Variants in AKAP12 observed in about 807,000 individuals in gnomAD.
AKAP12 encodes the protein A-kinase anchor protein 12.
A neutral mutation model predicts 79.9 loss-of-function variants in AKAP12; 32 were observed. The observed-to-expected ratio is 0.40, with a 90% CI of 0.30 to 0.54. The LOEUF is 0.54. Ranked by LOEUF, AKAP12 falls within the 20% of genes least tolerant of loss-of-function variation. The pLI is 0.48. For synonymous variants in AKAP12, 808 were observed against 857.0 expected (o/e 0.94, Z 1.00); for missense variants, 2,074 against 2,177.0 (o/e 0.95, Z 0.94).
At position 151,348,847 on chromosome 6, in the gene AKAP12, A is replaced by G. The variant is rs2114822300; in HGVS notation, c.456A>G (p.Ser152=). ...AAATAATCGAACAGATTCCTTCTTC[A>G]GAAAGCAATTTAGAAGAGCTAACAC... The part of the protein sequence containing the change: ...TPEIIEQIPS[S]ESNLEELTQP... The change falls in exon 4 of 5, where the codon TCA becomes TCG. Residue 152 remains serine (S), a synonymous_variant. Transcript: ENST00000402676. 1 of 1,614,212 alleles carries G rather than the reference A, an allele frequency of 6.2e-7. No individual in the cohort carries two copies. The highest frequency in any genetic ancestry group is 8.5e-7 in the Non-Finnish European group (1 of 1,180,042).
intron 2 of AKAP12, among the ~76,000 whole-genome samples, chr6:151,295,565 G>A (rs1264700986): frequency 1.3e-5 from 2 of 152,132 alleles, no homozygotes; most frequent in African/African-American, 4.8e-5. Context: ...TAAATAGCAA[G>A]CACTGCCATT....
chr6:151,340,027 A>G (rs1777909220), intron 3 of AKAP12, among the ~76,000 whole-genome samples: 1 of 151,928 alleles, frequency 6.6e-6, no homozygotes, highest in Non-Finnish European at 1.5e-5. Context: ...CCCGGGTTCA[A>G]GCAATTCTCT....
At chr6:151,293,732 A>G (rs1562724817) in intron 2 of AKAP12, among the ~76,000 whole-genome samples, 1 of 152,284 alleles carries the variant, frequency 6.6e-6, no homozygotes, top group Admixed American at 6.5e-5. Context: ...TTAAGGAGAG[A>G]GTAAGTAACA....
intron 3 of AKAP12, among the ~76,000 whole-genome samples, chr6:151,338,908 T>C (rs1777880760): frequency 6.6e-6 from 1 of 152,220 alleles, no homozygotes; most frequent in African/African-American, 2.4e-5. Context: ...CTTTCAACAA[T>C]AAGCATGTAA....
chr6:151,312,287 A>G lies in AKAP12; in HGVS notation c.319+6384A>G, dbSNP rs538590277. On this transcript the variant is annotated intron_variant, in intron 3 of 4. Coordinates refer to ENST00000402676, the MANE Select transcript of AKAP12 (RefSeq NM_005100.4). ...GGAGTTCGAGACCAATCTGGGAAGC[A>G]TAGTGAGACCCTTGTCTCTACGAAC... 7.3e-5 allele frequency among the ~76,000 whole-genome samples: 11 copies of G among 150,886 alleles called. No homozygotes were observed. In the South Asian group the frequency reaches 1.7e-3, roughly 23 times the overall value.
intron 3 of AKAP12, among the ~76,000 whole-genome samples, chr6:151,320,229 C>A (rs908073861): frequency 6.6e-6 from 1 of 151,988 alleles, no homozygotes; most frequent in African/African-American, 2.4e-5. Flanking sequence ...GGTCCCGCCT[C>A]CAGACTGCCC....
chr6:151,306,893 T>G (rs2114758112), intron 3 of AKAP12, among the ~76,000 whole-genome samples: 1 of 152,308 alleles, frequency 6.6e-6, no homozygotes, highest in Non-Finnish European at 1.5e-5. Context: ...ACCCAAATGA[T>G]TGGAATGGAC....
chr6:151,301,836 A>G (rs1216541781), intron 2 of AKAP12, among the ~76,000 whole-genome samples: 1 of 152,134 alleles, frequency 6.6e-6, no homozygotes, highest in Non-Finnish European at 1.5e-5. Flanking sequence ...TTAATAATGT[A>G]TCTACGGCCT....
At chr6:151,324,815 CTT>C (rs1777483294) in intron 3 of AKAP12, 1 of 985,276 alleles carries the variant, frequency 1.0e-6, no homozygotes, top group Non-Finnish European at 1.2e-6. Context: ...TCACTCGTGT[CTT>C]TACAAAGAAC....
chr6:151,250,211 TA>T (rs1247839358), intron 2 of AKAP12, among the ~76,000 whole-genome samples: 1 of 151,794 alleles, frequency 6.6e-6, no homozygotes, highest in African/African-American at 2.4e-5. Flanking sequence ...AAAAAATAAA[TA>T]AATAGGCTGG....
At position 151,350,887 on chromosome 6, in the gene AKAP12, G is replaced by C; in HGVS notation, c.2496G>C (p.Gly832=). ...AACAAGCCCCTGTTGAAGACGCAGG[G>C]CCAACAGGGGCCAACGAAGATGACT... ...KQEQAPVEDA[G]PTGANEDDSD... is the part of the protein sequence containing the mutation. Residue 832 remains glycine (G), a synonymous_variant, in exon 4 of 5, where the codon GGG becomes GGC. Coordinates refer to ENST00000402676, the MANE Select transcript of AKAP12 (RefSeq NM_005100.4). The surrounding 1 kb of genome is among the most constrained non-coding windows in gnomAD (Gnocchi z 4.8). 2 of 1,614,076 alleles carry C rather than the reference G, an allele frequency of 1.2e-6. No homozygotes were observed. The highest frequency in any genetic ancestry group is 8.5e-7 in the Non-Finnish European group (1 of 1,180,020).
intron 3 of AKAP12, chr6:151,325,029 C>T (rs1215238747): frequency 2.0e-6 from 2 of 985,326 alleles, no homozygotes; most frequent in Admixed American, 1.2e-4. Context: ...ATGCTCAAGT[C>T]TGCTTTTGAA....
chr6:151,322,581 T>C (rs1777423164), intron 3 of AKAP12, among the ~76,000 whole-genome samples: 2 of 152,216 alleles, frequency 1.3e-5, no homozygotes, highest in African/African-American at 4.8e-5. Context: ...TGCTCGTCTG[T>C]CCCTATGGAC....
chr6:151,330,062 C>T (rs1000395887), intron 3 of AKAP12, among the ~76,000 whole-genome samples: 5 of 152,174 alleles, frequency 3.3e-5, no homozygotes. Flanking sequence ...GTGGCTTATG[C>T]CTGTAATCCC....
Position 151,240,456 on chromosome 6 carries a change from C to T in AKAP12, c.-107C>T, listed in dbSNP as rs547194713. ...GCAGTCGGCTGGCGGCGAAGGAAGG[C>T]GCTCTCGGGACCTCGCGGGCGCGCG... On this transcript the variant is annotated 5_prime_UTR_variant, in exon 2 of 5. Transcript: ENST00000402676. 3 of 1,223,330 alleles carry T rather than the reference C, an allele frequency of 2.5e-6. No homozygotes were observed. The highest frequency in any genetic ancestry group is 2.1e-6 in the Non-Finnish European group (2 of 959,760). 75.8% of individuals were successfully genotyped at this position (1,223,330 alleles called of 1,614,324 possible). A position where few individuals can be genotyped will look rare whatever the true frequency, so the allele number is the denominator to read the frequency against.
intron 2 of AKAP12, among the ~76,000 whole-genome samples, chr6:151,265,214 C>CT (rs11308850): frequency 0.096 from 13,639 of 142,360 alleles, 761 homozygotes; most frequent in East Asian, 0.26. Flanking sequence ...AATCAAGCCT[C>CT]TTTTTTTTTT....
At chr6:151,252,478 G>A (rs1797199964) in intron 2 of AKAP12, among the ~76,000 whole-genome samples, 1 of 152,154 alleles carries the variant, frequency 6.6e-6, no homozygotes, top group East Asian at 1.9e-4. Flanking sequence ...TTACAGGCAT[G>A]AGCCACCGTG....
chr6:151,282,152 C>T (rs866753402), intron 2 of AKAP12, among the ~76,000 whole-genome samples: 1 of 151,928 alleles, frequency 6.6e-6, no homozygotes, highest in Admixed American at 6.6e-5. Context: ...GGTGCTATCT[C>T]GGCTCACTGC....
chr6:151,354,105 A>G (rs1299770683), intron 4 of AKAP12, among the ~76,000 whole-genome samples: 1 of 152,060 alleles, frequency 6.6e-6, no homozygotes. Context: ...TTTTAAAAAT[A>G]ACTAGTGCTC....
Sources: gnomAD v4.1 joint callset for allele counts (sites outside exome capture counted in the v4.1 genomes callset) on GRCh38, gnomAD v4.1.1 for gene constraint, Gnocchi (gnomAD v3.1) non-coding constraint, MANE v1.5 for transcripts, NCBI Gene and HGNC (gene_info 2026-07-23, HGNC 2026-07-21) for gene names.